The following ETNK1 variants were observed in gnomAD, a reference collection of about 807,000 sequenced individuals.
ETNK1 encodes the protein putative protein product of Nbla10396.
Under a neutral mutation model 45.1 loss-of-function variants are expected in ETNK1, and 8 were observed. That is an observed-to-expected ratio of 0.18 (90% confidence interval 0.10 to 0.32). The LOEUF is 0.32. Among genes scored for constraint, ETNK1 ranks in the 10% least tolerant of loss-of-function variants. The pLI is 1.00. For synonymous variants in ETNK1, 152 were observed against 151.9 expected (o/e 1.00, Z -0.01); for missense variants, 302 against 430.6 (o/e 0.70, Z 2.64).
At chr12:22,640,848 G>A (rs897625061) in intron 1 of ETNK1, among the ~76,000 whole-genome samples, 5 of 152,112 alleles carry the variant, frequency 3.3e-5, no homozygotes, top group Non-Finnish European at 7.4e-5. Flanking sequence ...TGAAATACTT[G>A]ACAAATAGTG....
rs1038388406 is a variant in ETNK1 at position 22,688,867 on chromosome 12, A to C, written c.*3913A>C. ...TTATGTATTAAGATAACCTGTTTTC[A>C]GTTCTTTTTGAAAAGAAGACATTAT... On this transcript the variant is annotated 3_prime_UTR_variant, in exon 8 of 8. Coordinates refer to ENST00000266517, the MANE Select transcript of ETNK1 (RefSeq NM_018638.5). 1 of 151,898 alleles carries C rather than the reference A, an allele frequency of 6.6e-6. No individual in the cohort carries two copies. Among genetic ancestry groups the C allele is most frequent in the African/African-American group, 2.4e-5 (1 of 41,440 alleles). The allele number at this position is 151,898 out of a possible 1,614,324, so 9.4% of individuals were successfully genotyped here.
intron 2 of ETNK1, among the ~76,000 whole-genome samples, chr12:22,646,674 T>C (rs1003393665): frequency 2.0e-5 from 3 of 151,850 alleles, no homozygotes; most frequent in Admixed American, 1.3e-4. Context: ...TGATGAGCGC[T>C]TTAGATCAAA....
intron 2 of ETNK1, among the ~76,000 whole-genome samples, chr12:22,653,760 C>T (rs543574718): frequency 1.7e-3 from 260 of 152,150 alleles, no homozygotes; most frequent in African/African-American, 6.0e-3. Flanking sequence ...TAAAATCATT[C>T]TTTACAAATT....
chr12:22,645,551 T>C (rs1165978984), intron 2 of ETNK1, among the ~76,000 whole-genome samples: 1 of 151,812 alleles, frequency 6.6e-6, no homozygotes, highest in Non-Finnish European at 1.5e-5. Flanking sequence ...TTTGTTTATT[T>C]TTTCTCTACT....
In ETNK1 at chr12:22,644,005, C is replaced by T. The variant is rs372778609; in HGVS notation, c.399C>T (p.Cys133=). 4.2e-5 allele frequency: 66 copies of T among 1,590,298 alleles called. No homozygotes were observed. Among genetic ancestry groups the T allele is most frequent in the Middle Eastern group, 3.4e-4 (2 of 5,944 alleles). The change falls in exon 2 of 8, where the codon TGC becomes TGT. Residue 133 remains cysteine (C), a synonymous_variant. Coordinates refer to ENST00000266517, the MANE Select transcript of ETNK1 (RefSeq NM_018638.5). ...QGEALDPKHV[C]NPAIFRLIAR... ...AAGCACTGGATCCAAAGCATGTCTG[C>T]AACCCAGCCATTTTCAGGTACATTT...
rs542790442 is a variant in ETNK1, at chr12:22,634,940, G to A, written c.157-8823G>A. Among the ~76,000 whole-genome samples the A allele has an allele frequency of 1.1e-3, 161 of 152,150 alleles. 1 individual carries two copies. The highest frequency in any genetic ancestry group is 1.6e-3 in the Admixed American group (24 of 15,292). ...TTTCCTTCCTAATCGTTTTTTGAAGGTTGATTGGCTGTTATTTTTCTAGCT... is the reference window on the plus strand; with the variant it reads ...TTTCCTTCCTAATCGTTTTTTGAAGATTGATTGGCTGTTATTTTTCTAGCT... On this transcript the variant is annotated intron_variant, in intron 1 of 7. Transcript: ENST00000266517.
At chr12:22,670,491 G>C (rs1954097285) in intron 4 of ETNK1, among the ~76,000 whole-genome samples, 1 of 151,932 alleles carries the variant, frequency 6.6e-6, no homozygotes, top group Admixed American at 6.6e-5. Context: ...AAGTTCCTGA[G>C]TAGTAGTATG....
At chr12:22,651,259 G>A (rs73080482) in intron 2 of ETNK1, among the ~76,000 whole-genome samples, 4 of 152,006 alleles carry the variant, frequency 2.6e-5, no homozygotes, top group African/African-American at 7.2e-5. Context: ...TATGCAGATG[G>A]TTCTCTACTT....
chr12:22,675,317 C>T (rs1281168210), intron 6 of ETNK1, among the ~76,000 whole-genome samples: 2 of 152,134 alleles, frequency 1.3e-5, no homozygotes, highest in East Asian at 3.9e-4. Flanking sequence ...GCTCAGCCTC[C>T]CAAAGTGCTG....
intron 1 of ETNK1, among the ~76,000 whole-genome samples, chr12:22,637,704 A>G (rs1486530786): frequency 6.6e-6 from 1 of 152,232 alleles, no homozygotes; most frequent in Non-Finnish European, 1.5e-5. Flanking sequence ...GCCAGTTATT[A>G]GTTACAGAGG....
At chr12:22,646,190 A>G (rs1234620214) in intron 2 of ETNK1, among the ~76,000 whole-genome samples, 2 of 151,852 alleles carry the variant, frequency 1.3e-5, no homozygotes, top group African/African-American at 2.4e-5. Flanking sequence ...TTCCTATGGC[A>G]TTTCTTATTG....
chr12:22,683,078 T>C (rs1954228338), intron 6 of ETNK1, among the ~76,000 whole-genome samples: 1 of 152,230 alleles, frequency 6.6e-6, no homozygotes, highest in Non-Finnish European at 1.5e-5. Flanking sequence ...GGTACTATTA[T>C]GACCTACATT....
intron 2 of ETNK1, chr12:22,656,443 A>C (rs763627615): frequency 7.8e-4 from 773 of 985,318 alleles, no homozygotes; most frequent in Non-Finnish European, 8.9e-4. Context: ...TCAGAAGAGC[A>C]GAAACGGCTT....
chr12:22,656,563 T>A lies in ETNK1; in HGVS notation c.417-2451T>A, dbSNP rs933456928. 36 of 985,380 alleles carry A rather than the reference T, an allele frequency of 3.7e-5. No homozygotes were observed. In the African/African-American group the frequency reaches 5.8e-4, roughly 16 times the overall value. 61.0% of individuals were successfully genotyped at this position (985,380 alleles called of 1,614,324 possible). On this transcript the variant is annotated intron_variant, in intron 2 of 7. Transcript: ENST00000266517. ...AAAGCAGAACTACTGTGCCGAGCCC[T>A]CCAGTGACATGGGCCTTCTGCTCTC...
intron 6 of ETNK1, among the ~76,000 whole-genome samples, chr12:22,682,859 C>T (rs1954226097): frequency 6.6e-6 from 1 of 152,140 alleles, no homozygotes; most frequent in African/African-American, 2.4e-5. Flanking sequence ...CCGAAAACTC[C>T]CATGGGTTCA....
intron 1 of ETNK1, among the ~76,000 whole-genome samples, chr12:22,641,864 A>T (rs1373982671): frequency 6.6e-6 from 1 of 152,150 alleles, no homozygotes; most frequent in Non-Finnish European, 1.5e-5. Context: ...GGCTAGTGTC[A>T]TTGGAGTTGT....
chr12:22,655,259 C>T (rs1034859825), intron 2 of ETNK1, among the ~76,000 whole-genome samples: 3 of 151,128 alleles, frequency 2.0e-5, no homozygotes, highest in Non-Finnish European at 3.0e-5. Context: ...TGAGCCACTG[C>T]GCCCGGCCAA....
chr12:22,670,241 G>GT (rs1954094510), intron 4 of ETNK1, among the ~76,000 whole-genome samples: 1 of 152,098 alleles, frequency 6.6e-6, no homozygotes, highest in Non-Finnish European at 1.5e-5. Context: ...AAAAGACAGT[G>GT]TAACTATGCA....
intron 6 of ETNK1, among the ~76,000 whole-genome samples, chr12:22,675,908 C>T (rs1005455465): frequency 1.4e-4 from 21 of 152,072 alleles, no homozygotes; most frequent in Admixed American, 1.4e-3. Context: ...CTAAGTTTTT[C>T]CATAGGGCAT....
Sources: gnomAD v4.1 joint callset for allele counts (sites outside exome capture counted in the v4.1 genomes callset) on GRCh38, gnomAD v4.1.1 for gene constraint, MANE v1.5 for transcripts, NCBI Gene and HGNC (gene_info 2026-07-23, HGNC 2026-07-21) for gene names.